The following GLT1D1 variants were observed in gnomAD, a reference collection of about 807,000 sequenced individuals.
GLT1D1 encodes the protein glycosyltransferase 1 domain-containing protein 1.
A neutral mutation model predicts 28.7 loss-of-function variants in GLT1D1; 21 were observed. The ratio of observed to expected loss-of-function variants is 0.73; its 90% CI spans 0.52 to 1.05. GLT1D1 has a LOEUF of 1.05. Among genes scored for constraint, GLT1D1 ranks in the 50% least tolerant of loss-of-function variants. GLT1D1 has a pLI of 0.00. For synonymous variants in GLT1D1, 147 were observed against 124.8 expected (o/e 1.18, Z -1.19); for missense variants, 343 against 330.6 (o/e 1.04, Z -0.29).
intron 4 of GLT1D1, among the ~76,000 whole-genome samples, chr12:128,920,009 C>A (rs1387291302): frequency 1.0e-5 from 1 of 95,832 alleles, no homozygotes; most frequent in East Asian, 2.9e-4. Flanking sequence ...ATCTCTCTCT[C>A]TATCTCTCTG....
At chr12:128,870,136 C>G (rs966500232) in intron 1 of GLT1D1, among the ~76,000 whole-genome samples, 1 of 151,996 alleles carries the variant, frequency 6.6e-6, no homozygotes, top group African/African-American at 2.4e-5. Flanking sequence ...GTCTCAAACT[C>G]CTGACCTCAT....
intron 4 of GLT1D1, among the ~76,000 whole-genome samples, chr12:128,916,373 T>G (rs1445029785): frequency 6.6e-6 from 1 of 152,226 alleles, no homozygotes; most frequent in African/African-American, 2.4e-5. Flanking sequence ...TCACTTCTCT[T>G]GGATAAATGC....
intron 5 of GLT1D1, among the ~76,000 whole-genome samples, chr12:128,946,076 A>G (rs1876030748): frequency 1.3e-5 from 2 of 152,104 alleles, no homozygotes; most frequent in South Asian, 4.1e-4. Flanking sequence ...TTTTTTCCCC[A>G]TCTATAATCA....
intron 3 of GLT1D1, among the ~76,000 whole-genome samples, chr12:128,897,738 G>A (rs967646913): frequency 3.3e-5 from 5 of 151,886 alleles, no homozygotes; most frequent in Non-Finnish European, 5.9e-5. Context: ...GCACGATCTC[G>A]GCTCACTGCA....
At chr12:128,935,907 C>A (rs2135468959) in intron 4 of GLT1D1, among the ~76,000 whole-genome samples, 1 of 152,322 alleles carries the variant, frequency 6.6e-6, no homozygotes, top group Middle Eastern at 3.4e-3. Context: ...GTTAACACCC[C>A]TAGACCACAA....
At chr12:128,883,004 C>A (rs1308734268) in intron 2 of GLT1D1, among the ~76,000 whole-genome samples, 1 of 151,468 alleles carries the variant, frequency 6.6e-6, no homozygotes, top group Non-Finnish European at 1.5e-5. Context: ...CGGCTCACCG[C>A]AACCTCTGAC....
chr12:128,905,589 G>C (rs995140687), intron 4 of GLT1D1, among the ~76,000 whole-genome samples: 3 of 152,066 alleles, frequency 2.0e-5, no homozygotes, highest in African/African-American at 7.2e-5. Context: ...CAGTAAAGAC[G>C]GTTTTATCTC....
intron 4 of GLT1D1, among the ~76,000 whole-genome samples, chr12:128,910,999 G>A (rs146281436): frequency 1.4e-4 from 22 of 152,152 alleles, no homozygotes; most frequent in African/African-American, 5.1e-4. Flanking sequence ...GCGCAATGTC[G>A]GCTCACTGCA....
At chr12:128,908,347 C>CTTT (rs1266756389) in intron 4 of GLT1D1, among the ~76,000 whole-genome samples, 10 of 105,502 alleles carry the variant, frequency 9.5e-5, no homozygotes, top group East Asian at 3.1e-4. Context: ...TCTTTCTTTC[C>CTTT]CTTTCTTTCT....
chr12:128,916,915 T>A (rs539162125), intron 4 of GLT1D1, among the ~76,000 whole-genome samples: 97 of 152,230 alleles, frequency 6.4e-4, no homozygotes, highest in Non-Finnish European at 1.2e-3. Context: ...AATCTTTACC[T>A]ACCCTAGGGT....
chr12:128,910,960 C>G (rs961004529), intron 4 of GLT1D1, among the ~76,000 whole-genome samples: 3 of 152,170 alleles, frequency 2.0e-5, no homozygotes, highest in Non-Finnish European at 1.5e-5. Flanking sequence ...GGCAGAGTCT[C>G]ACTCTGTCGC....
At position 128,914,845 on chromosome 12, in the gene GLT1D1, T is replaced by C. The variant is rs145197400; in HGVS notation, c.375+15558T>C. The C allele has an allele frequency of 1.3e-3, 1,159 of 890,332 alleles. 14 individuals carry two copies. The African/African-American group carries it at 0.016, about 13-fold the overall frequency. The allele number at this position is 890,332 out of a possible 1,614,324, so 55.2% of individuals were successfully genotyped here. On this transcript the variant is annotated intron_variant, in intron 4 of 7. Transcript: ENST00000281703. The stretch of plus-strand genomic sequence containing the variant: ...AAAATAATAAGAATAATAGTAATAA[T>C]AATAATAAGCCTCAACACAAAATAA...
At chr12:128,857,765 G>A (rs958973569) in intron 1 of GLT1D1, among the ~76,000 whole-genome samples, 9 of 152,074 alleles carry the variant, frequency 5.9e-5, no homozygotes, top group Non-Finnish European at 1.2e-4. Context: ...GTCAGAATTA[G>A]GTAAGACTGA....
intron 4 of GLT1D1, among the ~76,000 whole-genome samples, chr12:128,923,919 A>C (rs1872913459): frequency 6.6e-6 from 1 of 151,878 alleles, no homozygotes; most frequent in African/African-American, 2.4e-5. Context: ...TTTATTACAA[A>C]ATTAAACATA....
At chr12:128,864,192 T>G (rs1307444281) in intron 1 of GLT1D1, 27 of 679,818 alleles carry the variant, frequency 4.0e-5, no homozygotes, top group Non-Finnish European at 7.0e-5. Flanking sequence ...AAGTTTTTGT[T>G]GAATTAGGGC....
intron 7 of GLT1D1, among the ~76,000 whole-genome samples, chr12:128,969,276 TCTCA>T (rs1327137839): frequency 6.6e-6 from 1 of 152,026 alleles, no homozygotes; most frequent in East Asian, 1.9e-4. Context: ...TAGCTCTCTC[TCTCA>T]CTCTCTCTCT....
chr12:128,966,871 C>A (rs1389756547), intron 7 of GLT1D1, among the ~76,000 whole-genome samples: 2 of 152,104 alleles, frequency 1.3e-5, no homozygotes, highest in African/African-American at 2.4e-5. Flanking sequence ...TATACCTCAC[C>A]CCTGGAAAAC....
intron 4 of GLT1D1, 50 bp downstream of exon 5, chr12:128,912,510 A>G: frequency 1.1e-6 from 1 of 906,708 alleles, no homozygotes; most frequent in Non-Finnish European, 1.6e-6. Flanking sequence ...TAGAGAATGA[A>G]TATATCAAAA....
At chr12:128,919,970 TCTCTCTCTCTCTCTCTCTCTCCCC>T (rs200389258) in intron 4 of GLT1D1, among the ~76,000 whole-genome samples, 26,099 of 51,612 alleles carry the variant, frequency 0.51, 3,074 homozygotes, top group South Asian at 0.56. Flanking sequence ...TCTCTCTCTC[TCTCTCTCTCTCTCTCTCTCTCCCC>T]CTCCATCTCT....
Sources: allele counts gnomAD v4.1 joint callset (sites outside exome capture counted in the v4.1 genomes callset), GRCh38; gene constraint gnomAD v4.1.1; transcripts MANE v1.5; gene names NCBI Gene and HGNC (gene_info 2026-07-23, HGNC 2026-07-21).